SPATA17: variants seen among roughly 807,000 people sequenced by gnomAD.
The protein encoded by SPATA17 is spermatogenesis-associated protein 17.
Under a neutral mutation model 62.2 loss-of-function variants are expected in SPATA17, and 53 were observed. The ratio of observed to expected loss-of-function variants is 0.85; its 90% CI spans 0.68 to 1.07. The LOEUF (loss-of-function observed/expected upper bound fraction) is 1.07. SPATA17 is among the 50% of genes least tolerant of loss of function. SPATA17 has a pLI of 0.00. For synonymous variants in SPATA17, 146 were observed against 146.8 expected (o/e 0.99, Z 0.04); for missense variants, 466 against 425.5 (o/e 1.10, Z -0.84).
intron 3 of SPATA17, among the ~76,000 whole-genome samples, chr1:217,652,607 T>C (rs939511372): frequency 7.2e-5 from 11 of 152,224 alleles, no homozygotes; most frequent in Non-Finnish European, 8.8e-5. Flanking sequence ...CTCTTTGAAT[T>C]ACTCTGAAAT....
At chr1:217,857,562 A>G (rs565630969) in intron 9 of SPATA17, among the ~76,000 whole-genome samples, 1 of 152,284 alleles carries the variant, frequency 6.6e-6, no homozygotes, top group Admixed American at 6.5e-5. Context: ...CCCAACCCCC[A>G]TTTAAAAAGT....
At chr1:217,850,573 C>A in intron 9 of SPATA17, 1 of 1,595,780 alleles carries the variant, frequency 6.3e-7, no homozygotes, top group South Asian at 1.1e-5. Flanking sequence ...TCGATGGTGT[C>A]ACTGGGCTCC....
intron 4 of SPATA17, among the ~76,000 whole-genome samples, chr1:217,681,477 G>A (rs1226762622): frequency 1.3e-5 from 2 of 151,872 alleles, no homozygotes; most frequent in Admixed American, 6.6e-5. Context: ...CGGTTCAAGC[G>A]ATTCTTCTGC....
intron 1 of SPATA17, among the ~76,000 whole-genome samples, chr1:217,641,114 C>T (rs1005843541): frequency 1.3e-5 from 2 of 151,864 alleles, no homozygotes; most frequent in South Asian, 2.1e-4. Flanking sequence ...AATAAGTGGC[C>T]GTGGAAGATT....
intron 5 of SPATA17, among the ~76,000 whole-genome samples, chr1:217,727,378 A>G (rs1443788181): frequency 6.6e-6 from 1 of 151,646 alleles, no homozygotes; most frequent in Non-Finnish European, 1.5e-5. Flanking sequence ...TCATTGAGAT[A>G]TGGAAGTTTT....
chr1:217,719,893 G>C (rs1672085756), intron 5 of SPATA17, among the ~76,000 whole-genome samples: 1 of 152,178 alleles, frequency 6.6e-6, no homozygotes, highest in African/African-American at 2.4e-5. Context: ...GGCGAGAGCT[G>C]TTCTGCAGCT....
At chr1:217,676,055 G>A (rs1346858236) in intron 4 of SPATA17, among the ~76,000 whole-genome samples, 1 of 152,132 alleles carries the variant, frequency 6.6e-6, no homozygotes, top group Non-Finnish European at 1.5e-5. Flanking sequence ...ATTTCACGCA[G>A]GAATTCTAAA....
chr1:217,708,085 T>C (rs1174640797), intron 5 of SPATA17, among the ~76,000 whole-genome samples: 1 of 152,136 alleles, frequency 6.6e-6, no homozygotes, highest in African/African-American at 2.4e-5. Flanking sequence ...TAATGCTAAA[T>C]GCCCACATCA....
At chr1:217,663,174 G>T (rs1670608141) in intron 3 of SPATA17, among the ~76,000 whole-genome samples, 1 of 152,128 alleles carries the variant, frequency 6.6e-6, no homozygotes, top group Non-Finnish European at 1.5e-5. Context: ...GACAGGTGCA[G>T]TGGCTGATGC....
intron 5 of SPATA17, among the ~76,000 whole-genome samples, chr1:217,732,990 A>C (rs1672432848): frequency 6.6e-6 from 1 of 152,138 alleles, no homozygotes; most frequent in Non-Finnish European, 1.5e-5. Context: ...TTTTCAACCA[A>C]GTTGATTCAA....
intron 8 of SPATA17, among the ~76,000 whole-genome samples, chr1:217,799,948 T>C (rs1307798555): frequency 6.6e-6 from 1 of 152,112 alleles, no homozygotes; most frequent in Non-Finnish European, 1.5e-5. Context: ...TTCCCAGAGC[T>C]TCCACTTTTC....
At chr1:217,862,137 A>G (rs1221442836) in intron 9 of SPATA17, among the ~76,000 whole-genome samples, 7 of 151,686 alleles carry the variant, frequency 4.6e-5, no homozygotes, top group Non-Finnish European at 1.0e-4. Context: ...AGAAACATAC[A>G]CCTTTATATA....
At chr1:217,645,930 T>C (rs866311757) in intron 1 of SPATA17, among the ~76,000 whole-genome samples, 4 of 152,222 alleles carry the variant, frequency 2.6e-5, no homozygotes, top group African/African-American at 7.2e-5. Context: ...CATTAACTTC[T>C]ATGACACTGC....
intron 9 of SPATA17, among the ~76,000 whole-genome samples, chr1:217,853,574 A>C (rs1345750507): frequency 6.6e-6 from 1 of 152,152 alleles, no homozygotes; most frequent in African/African-American, 2.4e-5. Flanking sequence ...TCTTATAGCA[A>C]TCAATTCTTG....
chr1:217,815,994 G>T (rs1299582478), intron 9 of SPATA17, among the ~76,000 whole-genome samples: 1 of 152,000 alleles, frequency 6.6e-6, no homozygotes, highest in Non-Finnish European at 1.5e-5. Flanking sequence ...CTCTGAAGCA[G>T]AATGAACAAA....
chr1:217,731,179 G>A (rs190982905), intron 5 of SPATA17, among the ~76,000 whole-genome samples: 33 of 151,636 alleles, frequency 2.2e-4, no homozygotes, highest in African/African-American at 7.5e-4. Flanking sequence ...TTAGTGTAGT[G>A]TACCCTCCTC....
At chr1:217,825,040 ATATACAAATGTATTTATT>A (rs1324431400) in intron 9 of SPATA17, among the ~76,000 whole-genome samples, 3 of 69,160 alleles carry the variant, frequency 4.3e-5, no homozygotes, top group African/African-American at 1.6e-4. Flanking sequence ...AATTCAATAC[ATATACAAATGTATTTATT>A]TATATGAATA....
intron 9 of SPATA17, among the ~76,000 whole-genome samples, chr1:217,852,403 G>A (rs1238409248): frequency 1.3e-5 from 2 of 152,158 alleles, no homozygotes; most frequent in Non-Finnish European, 2.9e-5. Flanking sequence ...GAAATTATGG[G>A]CTAGGTATCA....
At chr1:217,650,952 C>A in intron 2 of SPATA17, 145 bp from the exon 3 acceptor site, 1 of 589,880 alleles carries the variant, frequency 1.7e-6, no homozygotes, top group Non-Finnish European at 3.0e-6. Flanking sequence ...TAATTCTATC[C>A]CACAATAACT....
Sources: allele counts gnomAD v4.1 joint callset (sites outside exome capture counted in the v4.1 genomes callset), GRCh38; gene constraint gnomAD v4.1.1; transcripts MANE v1.5; gene names NCBI Gene and HGNC (gene_info 2026-07-23, HGNC 2026-07-21).